Variants in CNTN5 observed in about 807,000 individuals in gnomAD.
CNTN5 encodes the protein contactin 5.
In CNTN5, 77 loss-of-function variants were observed where a neutral mutation model predicts 129.1. That is an observed-to-expected ratio of 0.60 (90% CI 0.50 to 0.72). The LOEUF (loss-of-function observed/expected upper bound fraction) is 0.72. Among genes scored for constraint, CNTN5 ranks in the 30% least tolerant of loss-of-function variants. CNTN5 has a pLI of 0.00. For missense variants in CNTN5, 1,478 were observed against 1,328.8 expected, an observed-to-expected ratio of 1.11 and a Z score of -1.75; for synonymous variants, 509 against 465.6, an observed-to-expected ratio of 1.09 and a Z score of -1.20.
At chr11:99,517,302 A>C (rs1479527572) in intron 2 of CNTN5, among the ~76,000 whole-genome samples, 1 of 152,018 alleles carries the variant, frequency 6.6e-6, no homozygotes, top group Non-Finnish European at 1.5e-5. Flanking sequence ...TTAACCCTTC[A>C]TCACCTCTTT....
chr11:99,579,234 C>A lies in CNTN5; in HGVS notation c.55+22965C>A, dbSNP rs1949481025. ...ACCATGCTGTTTTGGTTACTGTAGC[C>A]TTGTAGTATAGTTTGAAGTCAGGTA... On this transcript the variant is annotated intron_variant, in intron 3 of 24. Coordinates refer to ENST00000524871, the MANE Select transcript of CNTN5 (RefSeq NM_014361.4). Among the ~76,000 whole-genome samples the A allele has an allele frequency of 3.9e-5, 6 of 152,030 alleles. 1 individual carries two copies. In the Middle Eastern group the frequency reaches 0.017, roughly 431 times the overall value.
intron 2 of CNTN5, among the ~76,000 whole-genome samples, chr11:99,537,356 A>T (rs890693496): frequency 3.9e-5 from 6 of 152,168 alleles, no homozygotes; most frequent in Non-Finnish European, 5.9e-5. Context: ...AAAGATTCAC[A>T]ATTAGTAACT....
intron 1 of CNTN5, among the ~76,000 whole-genome samples, chr11:99,161,931 T>A (rs1480940180): frequency 1.3e-5 from 2 of 152,204 alleles, no homozygotes; most frequent in Admixed American, 6.5e-5. Context: ...AAAATCCATG[T>A]CAAGCACCAT....
At chr11:100,025,407 G>A (rs910674670) in intron 9 of CNTN5, among the ~76,000 whole-genome samples, 3 of 152,216 alleles carry the variant, frequency 2.0e-5, no homozygotes, top group Admixed American at 6.5e-5. Context: ...AACCTATGCT[G>A]GTGCAGTGCA....
chr11:99,972,251 A>G (rs2137310483), intron 8 of CNTN5, among the ~76,000 whole-genome samples: 1 of 152,130 alleles, frequency 6.6e-6, no homozygotes, highest in African/African-American at 2.4e-5. Context: ...ACAGGGCGAG[A>G]CTCTGTTTCA....
At chr11:99,120,515 T>A (rs1308069612) in intron 1 of CNTN5, 2 of 152,220 alleles carry the variant, frequency 1.3e-5, no homozygotes, top group African/African-American at 4.8e-5. Flanking sequence ...ACTGCATTCT[T>A]AGTTCATGTT....
intron 8 of CNTN5, among the ~76,000 whole-genome samples, chr11:99,970,751 T>A (rs1358818173): frequency 6.6e-6 from 1 of 152,216 alleles, no homozygotes; most frequent in Non-Finnish European, 1.5e-5. Flanking sequence ...GTCATTGCTG[T>A]TGTTGTTTAT....
chr11:99,720,329 C>A (rs544005154), intron 3 of CNTN5, among the ~76,000 whole-genome samples: 11 of 152,138 alleles, frequency 7.2e-5, no homozygotes, highest in South Asian at 2.1e-4. Flanking sequence ...AGTAGGCTTC[C>A]CCCTAGGATG....
intron 8 of CNTN5, among the ~76,000 whole-genome samples, chr11:99,977,673 T>G (rs1938076337): frequency 6.6e-6 from 1 of 152,080 alleles, no homozygotes; most frequent in African/African-American, 2.4e-5. Context: ...GAGACAGCAC[T>G]AGGGGGATGG....
intron 1 of CNTN5, among the ~76,000 whole-genome samples, chr11:99,249,181 T>C (rs902421213): frequency 7.3e-5 from 11 of 151,302 alleles, no homozygotes; most frequent in Admixed American, 1.3e-4. Context: ...AGGTCTTTCA[T>C]GTCCCTTGTA....
intron 1 of CNTN5, among the ~76,000 whole-genome samples, chr11:99,304,601 T>G (rs1247923277): frequency 6.6e-6 from 1 of 152,176 alleles, no homozygotes; most frequent in Non-Finnish European, 1.5e-5. Flanking sequence ...TCACTCACAA[T>G]AAAATTTTTA....
At chr11:99,481,554 C>T (rs535268432) in intron 2 of CNTN5, among the ~76,000 whole-genome samples, 52 of 152,284 alleles carry the variant, frequency 3.4e-4, no homozygotes, top group Admixed American at 1.6e-3. Context: ...AAAGCTGATG[C>T]TGTTATTCCA....
chr11:99,032,630 T>C (rs952104623), intron 1 of CNTN5, among the ~76,000 whole-genome samples: 3 of 152,120 alleles, frequency 2.0e-5, no homozygotes, highest in African/African-American at 7.2e-5. Context: ...TTTTTTCTTG[T>C]AAATCTGTTT....
chr11:99,216,564 AATCCATCATACGCTGGATAATATC>A lies in CNTN5; in HGVS notation c.-209-108781_-209-108758del, dbSNP rs199892640. ...TGATCTATCATATGCTGGATAATAT[AATCCATCATACGCTGGATAATATC>A]TTTAACTAGCTCCTATTTATTTTTG... On this transcript the variant is annotated intron_variant, in intron 1 of 24. Coordinates refer to ENST00000524871, the MANE Select transcript of CNTN5 (RefSeq NM_014361.4). 9.8e-4 allele frequency among the ~76,000 whole-genome samples: 149 copies of A among 152,136 alleles called. 2 individuals are homozygous for A. In the East Asian group the frequency reaches 0.024, roughly 25 times the overall value.
chr11:99,143,847 G>T (rs943762189), intron 1 of CNTN5, among the ~76,000 whole-genome samples: 3 of 152,060 alleles, frequency 2.0e-5, no homozygotes, highest in African/African-American at 7.2e-5. Context: ...CTTTTGAAAA[G>T]ACCTGTTTTA....
intron 2 of CNTN5, among the ~76,000 whole-genome samples, chr11:99,513,748 C>A (rs1946934193): frequency 6.6e-6 from 1 of 151,314 alleles, no homozygotes; most frequent in African/African-American, 2.4e-5. Flanking sequence ...AAAAAAGATT[C>A]CTTTCAAAAT....
intron 2 of CNTN5, among the ~76,000 whole-genome samples, chr11:99,336,095 G>T (rs193057387): frequency 6.6e-6 from 1 of 152,088 alleles, no homozygotes; most frequent in Non-Finnish European, 1.5e-5. Flanking sequence ...TATCGGAGGG[G>T]TATGTTTGTA....
intron 2 of CNTN5, among the ~76,000 whole-genome samples, chr11:99,354,078 C>T (rs1054546951): frequency 6.6e-6 from 1 of 152,212 alleles, no homozygotes; most frequent in South Asian, 2.1e-4. Context: ...AGACATCAAT[C>T]AAAAGGAATT....
chr11:100,050,606 C>T (rs1177760534), intron 9 of CNTN5, among the ~76,000 whole-genome samples: 1 of 150,338 alleles, frequency 6.7e-6, no homozygotes, highest in Non-Finnish European at 1.5e-5. Context: ...GCACTTGTAC[C>T]CTAAAACTTA....
Sources: gnomAD v4.1 joint callset for allele counts (sites outside exome capture counted in the v4.1 genomes callset) on GRCh38, gnomAD v4.1.1 for gene constraint, MANE v1.5 for transcripts, NCBI Gene and HGNC (gene_info 2026-07-23, HGNC 2026-07-21) for gene names.